The following EPB41L1 variants were observed in gnomAD, a reference collection of about 807,000 sequenced individuals.
EPB41L1 encodes erythrocyte membrane protein band 4.1 like 1.
In EPB41L1, 29 loss-of-function variants were observed where a neutral mutation model predicts 97.8. The ratio of observed to expected loss-of-function variants is 0.30; its 90% CI spans 0.22 to 0.40. EPB41L1 has a LOEUF of 0.40. EPB41L1 is among the 10% of genes least tolerant of loss of function. The probability of loss-of-function intolerance (pLI) is 1.00; values close to 1 mark genes in which losing one functional copy is unlikely to be tolerated. For missense variants in EPB41L1, 812 were observed against 1,162.3 expected (o/e 0.70, Z 4.38); for synonymous variants, 383 against 459.2 (o/e 0.83, Z 2.12).
chr20:36,201,102 A>C (rs1197667448), intron 14 of EPB41L1: 1 of 393,042 alleles, frequency 2.5e-6, no homozygotes, highest in Non-Finnish European at 5.2e-6. Context: ...AGTTGGAAGC[A>C]ATGGGTAACC....
At chr20:36,125,888 A>G (rs1335008514) in intron 2 of EPB41L1, among the ~76,000 whole-genome samples, 1 of 151,972 alleles carries the variant, frequency 6.6e-6, no homozygotes, top group Non-Finnish European at 1.5e-5. Flanking sequence ...GGCTCATGGA[A>G]GTGTAGAAGA....
At chr20:36,139,894 G>A (rs1000227206) in intron 2 of EPB41L1, among the ~76,000 whole-genome samples, 21 of 152,034 alleles carry the variant, frequency 1.4e-4, no homozygotes, top group African/African-American at 4.8e-4. Flanking sequence ...ACCATGCCTG[G>A]CTAATTTTGT....
Position 36,207,395 on chromosome 20 carries a change from AGGC to A in EPB41L1, c.1669-2092_1669-2090del. On this transcript the variant is annotated intron_variant, in intron 14 of 21. Coordinates refer to ENST00000338074, the MANE Select transcript of EPB41L1 (RefSeq NM_012156.2). This position sits in a 1 kb window ranked among gnomAD's most constrained non-coding sequence, Gnocchi z 4.9. Reference sequence around the variant, plus strand: ...AAGCGAAGGGAGATGACCTCTTTCCAGGCTGGGGACCAAGAGGGCTCCCTAGAA... The same window carrying A: ...AAGCGAAGGGAGATGACCTCTTTCCATGGGGACCAAGAGGGCTCCCTAGAA... The A allele has an allele frequency of 3.9e-6, 5 of 1,289,632 alleles. No homozygotes were observed. The highest frequency in any genetic ancestry group is 5.1e-6 in the Non-Finnish European group (5 of 988,742). 79.9% of individuals were successfully genotyped at this position (1,289,632 alleles called of 1,614,324 possible).
rs925293024 is a variant in EPB41L1, at chr20:36,118,063, G to A, written c.-10+5583G>A. The stretch of plus-strand genomic sequence containing the variant: ...GGGTTTCAGCCTGCTTGCTGCTGAG[G>A]GAATAGACAGGGAAACTGAGGCAAG... On this transcript the variant is annotated intron_variant, in intron 2 of 19. Transcript: ENST00000202028. Among the ~76,000 whole-genome samples, 8 of 152,212 alleles carry A rather than the reference G, an allele frequency of 5.3e-5. No homozygotes were observed. The South Asian group carries it at 6.2e-4, about 12-fold the overall frequency.
chr20:36,206,373 C>G lies in EPB41L1; in HGVS notation c.1669-3115C>G. ...TGGACGTCCTCTCTCCAGCCTCCGA[C>G]AAGGGAGGACTCCAGTCGTTTCTAT... On this transcript the variant is annotated intron_variant, in intron 14 of 21. Transcript: ENST00000338074. This position sits in a 1 kb window ranked among gnomAD's most constrained non-coding sequence, Gnocchi z 5.5. The G allele has an allele frequency of 1.6e-6, 2 of 1,289,948 alleles. No individual in the cohort carries two copies. 79.9% of individuals were successfully genotyped at this position (1,289,948 alleles called of 1,614,324 possible).
At chr20:36,172,723 C>G (rs1486151338) in intron 1 of EPB41L1, among the ~76,000 whole-genome samples, 1 of 152,176 alleles carries the variant, frequency 6.6e-6, no homozygotes, top group East Asian at 1.9e-4. Context: ...GCCTCAGCCT[C>G]CTGAGTAGCT....
chr20:36,228,321 T>C (rs974284430), intron 21 of EPB41L1, among the ~76,000 whole-genome samples: 1 of 152,206 alleles, frequency 6.6e-6, no homozygotes, highest in East Asian at 1.9e-4. Flanking sequence ...ATTCAGCACT[T>C]ACTATATGCT....
chr20:36,153,551 G>A (rs576376858), upstream of EPB41L1, among the ~76,000 whole-genome samples: 5 of 152,252 alleles, frequency 3.3e-5, no homozygotes, highest in Admixed American at 6.5e-5. Flanking sequence ...CTGGGGGTTC[G>A]CGGTCATATG....
At chr20:36,114,705 G>T (rs2058530738) in intron 2 of EPB41L1, among the ~76,000 whole-genome samples, 1 of 152,180 alleles carries the variant, frequency 6.6e-6, no homozygotes, top group South Asian at 2.1e-4. Context: ...TCCCTTTTAA[G>T]CTGTCCTGTG....
intron 6 of EPB41L1, among the ~76,000 whole-genome samples, chr20:36,182,549 A>G (rs1310766480): frequency 6.6e-6 from 1 of 152,056 alleles, no homozygotes; most frequent in Non-Finnish European, 1.5e-5. Flanking sequence ...GTGGCAGCTG[A>G]CCCTTGATGT....
Position 36,210,611 on chromosome 20 carries a change from C to A in EPB41L1, c.2079+713C>A, listed in dbSNP as rs1569335003. ...CTCACTTCATGCTATATTCTCTGAG[C>A]AGGTTTTTTTTTCTCCCTTTCGGTG... On this transcript the variant is annotated intron_variant, in intron 15 of 21. Transcript: ENST00000338074. 3.9e-5 allele frequency among the ~76,000 whole-genome samples: 6 copies of A among 152,124 alleles called. No homozygotes were observed. The South Asian group carries it at 1.2e-3, about 32-fold the overall frequency.
intron 13 of EPB41L1, chr20:36,197,530 C>T: frequency 3.2e-6 from 2 of 616,346 alleles, no homozygotes; most frequent in Non-Finnish European, 4.1e-6. Flanking sequence ...CTTATAGCAC[C>T]ACAGGGAACT....
chr20:36,207,881 G>A lies in EPB41L1; in HGVS notation c.1669-1607G>A, dbSNP rs1378346410. 20 of 1,161,016 alleles carry A rather than the reference G, an allele frequency of 1.7e-5. No homozygotes were observed. Among genetic ancestry groups the A allele is most frequent in the Non-Finnish European group, 2.1e-5 (19 of 909,056 alleles). 71.9% of individuals were successfully genotyped at this position (1,161,016 alleles called of 1,614,324 possible). On this transcript the variant is annotated intron_variant, in intron 14 of 21. Transcript: ENST00000338074. This position sits in a 1 kb window ranked among gnomAD's most constrained non-coding sequence, Gnocchi z 4.9. ...TAGAAGCATGTTTCAGTGGCCCCTC[G>A]TCATTTCTGCAATCAGAGGCTGCTT...
intron 1 of EPB41L1, among the ~76,000 whole-genome samples, chr20:36,165,584 A>C (rs1219493961): frequency 6.6e-6 from 1 of 152,160 alleles, no homozygotes; most frequent in Non-Finnish European, 1.5e-5. Flanking sequence ...CTGTAATCTT[A>C]GCTACTCGGG....
intron 1 of EPB41L1, among the ~76,000 whole-genome samples, chr20:36,096,201 A>G (rs960257491): frequency 1.3e-5 from 2 of 152,128 alleles, no homozygotes; most frequent in African/African-American, 4.8e-5. Flanking sequence ...ATTAATTGAA[A>G]CACTTGGAAA....
chr20:36,175,834 G>A (rs1338635006), intron 3 of EPB41L1, 119 bp downstream of exon 3: 2 of 1,074,376 alleles, frequency 1.9e-6, no homozygotes, highest in African/African-American at 1.6e-5. Context: ...CAGTCACAGT[G>A]TCCAGAGAGA....
intron 2 of EPB41L1, among the ~76,000 whole-genome samples, chr20:36,131,872 G>T (rs1386187271): frequency 6.6e-6 from 1 of 152,196 alleles, no homozygotes; most frequent in Non-Finnish European, 1.5e-5. Context: ...AGAATATGTG[G>T]GAGGGGTGGA....
intron 1 of EPB41L1, among the ~76,000 whole-genome samples, chr20:36,172,891 C>T (rs138109715): frequency 1.4e-3 from 214 of 152,314 alleles, no homozygotes; most frequent in African/African-American, 5.0e-3. Context: ...TGAGCCACCG[C>T]GCCTGGCGTG....
chr20:36,102,559 A>G (rs2058054322), intron 1 of EPB41L1, among the ~76,000 whole-genome samples: 1 of 152,092 alleles, frequency 6.6e-6, no homozygotes, highest in African/African-American at 2.4e-5. Flanking sequence ...GTTGGACAGG[A>G]TAATCCCAAG....
Sources: allele counts gnomAD v4.1 joint callset (sites outside exome capture counted in the v4.1 genomes callset), GRCh38; gene constraint gnomAD v4.1.1; non-coding constraint Gnocchi (gnomAD v3.1); transcripts MANE v1.5; gene names NCBI Gene and HGNC (gene_info 2026-07-23, HGNC 2026-07-21).